The following LBH variants were observed in gnomAD, a reference collection of about 807,000 sequenced individuals.
The protein encoded by LBH is protein LBH.
A neutral mutation model predicts 12.5 loss-of-function variants in LBH; 7 were observed. The ratio of observed to expected loss-of-function variants is 0.56; its 90% confidence interval spans 0.32 to 1.05. The LOEUF (loss-of-function observed/expected upper bound fraction) is 1.05, where lower values mean the gene tolerates loss of function less well. Ranked by LOEUF, LBH falls within the 50% of genes least tolerant of loss-of-function variation. The pLI is 0.04. For synonymous variants in LBH, 51 were observed against 50.1 expected, an observed-to-expected ratio of 1.02 and a Z score of -0.08; for missense variants, 119 against 138.9, an observed-to-expected ratio of 0.86 and a Z score of 0.72.
chr2:30,257,813 C>G lies in LBH; in HGVS notation c.*192C>G, dbSNP rs1038445386. 2 of 428,942 alleles carry G rather than the reference C, an allele frequency of 4.7e-6. No homozygotes were observed. The highest frequency in any genetic ancestry group is 4.1e-5 in the East Asian group (1 of 24,372). 26.6% of individuals were successfully genotyped at this position (428,942 alleles called of 1,614,324 possible). A position where few individuals can be genotyped will look rare whatever the true frequency, so the allele number is the denominator to read the frequency against. On this transcript the variant is annotated 3_prime_UTR_variant, in exon 3 of 3. Coordinates refer to ENST00000395323, the MANE Select transcript of LBH (RefSeq NM_030915.4). The stretch of plus-strand genomic sequence containing the variant: ...GCCTTTTTTTTTTTTTGAAATTTGC[C>G]GAGCAGTGGAGCCCTCTGACAATTT...
intron 2 of LBH, among the ~76,000 whole-genome samples, chr2:30,247,363 C>T (rs1228010574): frequency 6.6e-6 from 1 of 152,204 alleles, no homozygotes; most frequent in Non-Finnish European, 1.5e-5. Context: ...CTCTACTGAT[C>T]TCAAGCATTA....
At chr2:30,233,026 C>T (rs1368439298) in intron 1 of LBH, 1 of 152,230 alleles carries the variant, frequency 6.6e-6, no homozygotes, top group East Asian at 1.9e-4. Context: ...TTGTGGGTGC[C>T]CCTCCCTTGC....
chr2:30,239,110 C>T (rs1261410937), intron 2 of LBH, among the ~76,000 whole-genome samples: 1 of 151,988 alleles, frequency 6.6e-6, no homozygotes, highest in East Asian at 1.9e-4. Flanking sequence ...CTTCCCACTC[C>T]TTGTCAGAAG....
intron 1 of LBH, 82 bp from the exon 2 acceptor site, chr2:30,234,323 A>T: frequency 9.4e-7 from 1 of 1,063,920 alleles, no homozygotes; most frequent in East Asian, 2.4e-5. Context: ...CAGTCCCCTG[A>T]TCCCACAGCA....
chr2:30,238,812 C>T (rs976736800), intron 2 of LBH, among the ~76,000 whole-genome samples: 6 of 151,850 alleles, frequency 4.0e-5, no homozygotes, highest in Non-Finnish European at 7.4e-5. Flanking sequence ...CAGCCTTTCC[C>T]GGCACAAGAT....
chr2:30,248,775 A>G (rs1677920864), intron 2 of LBH, among the ~76,000 whole-genome samples: 2 of 152,236 alleles, frequency 1.3e-5, no homozygotes, highest in African/African-American at 4.8e-5. Flanking sequence ...CAGAGTTAGC[A>G]GTAGAAATTA....
At chr2:30,243,490 A>G (rs1409009885) in intron 2 of LBH, among the ~76,000 whole-genome samples, 1 of 150,374 alleles carries the variant, frequency 6.7e-6, no homozygotes, top group African/African-American at 2.5e-5. Flanking sequence ...TGGTTGAGAA[A>G]TATTCCTTCC....
chr2:30,244,719 T>A (rs1266096825), intron 2 of LBH, among the ~76,000 whole-genome samples: 2 of 151,844 alleles, frequency 1.3e-5, no homozygotes, highest in African/African-American at 4.8e-5. Context: ...CTGGGCAACA[T>A]AGGGAAACTC....
At chr2:30,238,330 C>A (rs920782511) in intron 2 of LBH, among the ~76,000 whole-genome samples, 2 of 152,222 alleles carry the variant, frequency 1.3e-5, no homozygotes, top group African/African-American at 2.4e-5. Flanking sequence ...CCTTGGTTTT[C>A]ATTTAAAACT....
chr2:30,231,560 G>A lies in LBH; in HGVS notation c.-179G>A. ...CTGAGTGCTCAGTGGAGAGCGGGGA[G>A]TTGTGTCCACCTTGCCGACGTCGCT... On this transcript the variant is annotated 5_prime_UTR_variant, in exon 1 of 3. Coordinates refer to ENST00000395323, the MANE Select transcript of LBH (RefSeq NM_030915.4). 2 of 633,572 alleles carry A rather than the reference G, an allele frequency of 3.2e-6. No homozygotes were observed. Among genetic ancestry groups the A allele is most frequent in the Non-Finnish European group, 5.7e-6 (2 of 351,518 alleles). The allele number at this position is 633,572 out of a possible 1,614,324, so 39.2% of individuals were successfully genotyped here.
intron 1 of LBH, 51 bp downstream of exon 1, chr2:30,231,815 G>A (rs1181015508): frequency 9.3e-6 from 14 of 1,510,680 alleles, no homozygotes; most frequent in African/African-American, 1.4e-5. Flanking sequence ...GGTGGCTGCG[G>A]GCCCGGGCGC....
intron 2 of LBH, among the ~76,000 whole-genome samples, chr2:30,255,587 T>G (rs2362541): frequency 0.49 from 73,939 of 151,972 alleles, 18,602 homozygotes; most frequent in Admixed American, 0.6. Context: ...CGTTTGCAGG[T>G]ATTGGGAAGG....
At chr2:30,237,466 T>G (rs1677709864) in intron 2 of LBH, among the ~76,000 whole-genome samples, 1 of 148,130 alleles carries the variant, frequency 6.8e-6, no homozygotes, top group South Asian at 2.2e-4. Context: ...TTACCTTCTC[T>G]TTGCCCAGGT....
At chr2:30,257,311 G>GCAAA in intron 2 of LBH, 122 bp from the exon 3 acceptor site, 1 of 1,067,516 alleles carries the variant, frequency 9.4e-7, no homozygotes, top group Non-Finnish European at 1.4e-6. Context: ...CCTCCCGAGT[G>GCAAA]CAAAGCACAG....
chr2:30,240,754 C>G (rs1476627152), intron 2 of LBH, among the ~76,000 whole-genome samples: 2 of 152,198 alleles, frequency 1.3e-5, no homozygotes, highest in East Asian at 3.9e-4. Flanking sequence ...CCCTCAAGCC[C>G]CCTCTCCGGT....
intron 2 of LBH, among the ~76,000 whole-genome samples, chr2:30,249,777 CCTAGTA>C (rs1677946416): frequency 6.6e-6 from 1 of 152,180 alleles, no homozygotes; most frequent in African/African-American, 2.4e-5. Context: ...CCCAGCTTTA[CCTAGTA>C]AGAACCATCA....
chr2:30,231,677 A>C lies in LBH; in HGVS notation c.-62A>C, dbSNP rs1295928232. The C allele has an allele frequency of 2.0e-6, 3 of 1,523,592 alleles. No homozygotes were observed. Among genetic ancestry groups the C allele is most frequent in the Non-Finnish European group, 2.7e-6 (3 of 1,108,688 alleles). 94.4% of individuals were successfully genotyped at this position (1,523,592 alleles called of 1,614,324 possible). On this transcript the variant is annotated 5_prime_UTR_variant, in exon 1 of 3. Coordinates refer to ENST00000395323, the MANE Select transcript of LBH (RefSeq NM_030915.4). The stretch of plus-strand genomic sequence containing the variant: ...GCCCGTCTGCGCCCGTGTCATCCTC[A>C]CTCGGGACGCAGGGACCGTTTTTAA...
At position 30,259,245 on chromosome 2, in the gene LBH, C is replaced by A. The variant is rs1409391275; in HGVS notation, c.*1624C>A. The A allele has an allele frequency of 6.5e-6, 1 of 152,882 alleles. No individual in the cohort carries two copies. The highest frequency in any genetic ancestry group is 2.1e-4 in the South Asian group (1 of 4,816). 9.5% of individuals were successfully genotyped at this position (152,882 alleles called of 1,614,324 possible). ...CTCTGGGGATGCCGGGGCAGGAGGA[C>A]GAGGGTGCGCTGTGGACACAGCAGT... On this transcript the variant is annotated 3_prime_UTR_variant, in exon 3 of 3. Transcript: ENST00000395323.
chr2:30,233,845 G>C (rs1019772492), intron 1 of LBH, among the ~76,000 whole-genome samples: 41 of 152,332 alleles, frequency 2.7e-4, no homozygotes, highest in African/African-American at 9.6e-4. Flanking sequence ...CTGACCCCTT[G>C]GGGCTTTAAG....
Sources: allele counts gnomAD v4.1 joint callset (sites outside exome capture counted in the v4.1 genomes callset), GRCh38; gene constraint gnomAD v4.1.1; transcripts MANE v1.5; gene names NCBI Gene and HGNC (gene_info 2026-07-23, HGNC 2026-07-21).